PDE4D: variants seen among roughly 807,000 people sequenced by gnomAD.
PDE4D encodes phosphodiesterase 4D.
PDE4D carries 24 observed loss-of-function variants against 87.4 expected under a neutral mutation model. The observed-to-expected ratio is 0.27, with a 90% CI of 0.20 to 0.39. PDE4D has a LOEUF of 0.39. Ranked by LOEUF, PDE4D falls within the 10% of genes least tolerant of loss-of-function variation. PDE4D has a pLI of 1.00. For missense variants in PDE4D, 714 were observed against 1,041.0 expected (o/e 0.69, Z 4.32); for synonymous variants, 384 against 383.2 (o/e 1.00, Z -0.02).
intron 1 of PDE4D, among the ~76,000 whole-genome samples, chr5:59,256,531 G>T (rs1182021536): frequency 6.6e-6 from 1 of 152,012 alleles, no homozygotes; most frequent in Admixed American, 6.6e-5. Flanking sequence ...ATTTGAATTT[G>T]AAAAAGGCAA....
At chr5:60,519,018 T>G (rs1750925016) in intron 1 of PDE4D, among the ~76,000 whole-genome samples, 2 of 152,118 alleles carry the variant, frequency 1.3e-5, no homozygotes, top group Non-Finnish European at 2.9e-5. Context: ...GTCAACCAAC[T>G]GGGTTAAATA....
intron 1 of PDE4D, among the ~76,000 whole-genome samples, chr5:59,520,193 G>A (rs1328189161): frequency 2.0e-5 from 3 of 152,122 alleles, no homozygotes; most frequent in Admixed American, 6.6e-5. Context: ...AACCTGGGAG[G>A]CAGAGGTTAT....
chr5:60,334,542 C>A (rs1757577547), intron 1 of PDE4D, among the ~76,000 whole-genome samples: 1 of 152,082 alleles, frequency 6.6e-6, no homozygotes, highest in African/African-American at 2.4e-5. Flanking sequence ...TCATGCCTAG[C>A]CCTTCTGCCA....
chr5:60,284,555 A>G (rs1426049935), intron 1 of PDE4D, among the ~76,000 whole-genome samples: 1 of 152,202 alleles, frequency 6.6e-6, no homozygotes, highest in Admixed American at 6.5e-5. Flanking sequence ...TTAGGATGAC[A>G]GTGGTGTACT....
At chr5:60,508,338 G>C (rs549881924) in intron 1 of PDE4D, among the ~76,000 whole-genome samples, 1 of 152,260 alleles carries the variant, frequency 6.6e-6, no homozygotes, top group South Asian at 2.1e-4. Context: ...TTCCTTGGGA[G>C]CAAAAACTGT....
intron 5 of PDE4D, among the ~76,000 whole-genome samples, chr5:59,118,595 G>A (rs1332708511): frequency 6.6e-6 from 1 of 152,102 alleles, no homozygotes; most frequent in East Asian, 1.9e-4. Flanking sequence ...AGCAACCATC[G>A]AACATAAATT....
chr5:59,256,095 G>A (rs1249420262), intron 1 of PDE4D, among the ~76,000 whole-genome samples: 2 of 152,052 alleles, frequency 1.3e-5, no homozygotes, highest in Admixed American at 1.3e-4. Flanking sequence ...AGATAGACAA[G>A]AAATCCTTAA....
intron 5 of PDE4D, among the ~76,000 whole-genome samples, chr5:59,088,022 T>C (rs1768021004): frequency 6.6e-6 from 1 of 152,222 alleles, no homozygotes; most frequent in African/African-American, 2.4e-5. Flanking sequence ...TGTCTTAATC[T>C]ACTTTAAAGT....
chr5:59,252,263 G>C (rs1760101240), intron 1 of PDE4D, among the ~76,000 whole-genome samples: 1 of 152,132 alleles, frequency 6.6e-6, no homozygotes, highest in Non-Finnish European at 1.5e-5. Flanking sequence ...TATTTTTAAA[G>C]TTGTATTGTA....
intron 5 of PDE4D, among the ~76,000 whole-genome samples, chr5:59,151,617 T>C (rs1779485929): frequency 6.6e-6 from 1 of 152,172 alleles, no homozygotes; most frequent in Admixed American, 6.5e-5. Context: ...ACTCCCTGTG[T>C]ATGGCAGCAG....
chr5:59,836,961 G>A (rs1330192596), intron 1 of PDE4D, among the ~76,000 whole-genome samples: 1 of 151,738 alleles, frequency 6.6e-6, no homozygotes, highest in African/African-American at 2.4e-5. Flanking sequence ...CCTACATTCT[G>A]TCTCAGAGGT....
intron 2 of PDE4D, among the ~76,000 whole-genome samples, chr5:60,151,013 G>T (rs1444600368): frequency 6.6e-6 from 1 of 152,082 alleles, no homozygotes; most frequent in Non-Finnish European, 1.5e-5. Flanking sequence ...ACAATAAAAA[G>T]TAACTAATCT....
At chr5:59,517,349 T>C (rs1266402549) in intron 1 of PDE4D, among the ~76,000 whole-genome samples, 2 of 152,226 alleles carry the variant, frequency 1.3e-5, no homozygotes, top group African/African-American at 4.8e-5. Context: ...ATAAGAAATG[T>C]AATGTTTACT....
At chr5:60,106,235 C>A (rs1000056091) in intron 2 of PDE4D, among the ~76,000 whole-genome samples, 1 of 151,482 alleles carries the variant, frequency 6.6e-6, no homozygotes, top group African/African-American at 2.4e-5. Context: ...AGACTTTAAA[C>A]CAACAAAGAT....
intron 1 of PDE4D, among the ~76,000 whole-genome samples, chr5:59,566,881 A>G (rs1821021293): frequency 6.6e-6 from 1 of 152,144 alleles, no homozygotes; most frequent in Non-Finnish European, 1.5e-5. Flanking sequence ...GACTAAGAAA[A>G]AAAAAACATG....
At chr5:60,317,149 T>C (rs1755691464) in intron 1 of PDE4D, among the ~76,000 whole-genome samples, 1 of 152,206 alleles carries the variant, frequency 6.6e-6, no homozygotes, top group South Asian at 2.1e-4. Context: ...CTATTAATTA[T>C]TGCCTCAATT....
intron 1 of PDE4D, among the ~76,000 whole-genome samples, chr5:59,483,110 C>G (rs1804548694): frequency 6.6e-6 from 1 of 152,104 alleles, no homozygotes; most frequent in Non-Finnish European, 1.5e-5. Context: ...TTTTTTCCTG[C>G]CTTTGGACAT....
intron 2 of PDE4D, among the ~76,000 whole-genome samples, chr5:60,057,921 C>T (rs1770957552): frequency 6.6e-6 from 1 of 151,782 alleles, no homozygotes; most frequent in African/African-American, 2.4e-5. Flanking sequence ...GTCTATAGTC[C>T]CCTAAAATTG....
At chr5:59,055,617 C>T (rs1762220605) in intron 5 of PDE4D, among the ~76,000 whole-genome samples, 1 of 152,096 alleles carries the variant, frequency 6.6e-6, no homozygotes, top group African/African-American at 2.4e-5. Context: ...TTCTGCCTTT[C>T]ACTGCTGTAC....
Sources: gnomAD v4.1 joint callset for allele counts (sites outside exome capture counted in the v4.1 genomes callset) on GRCh38, gnomAD v4.1.1 for gene constraint, MANE v1.5 for transcripts, NCBI Gene and HGNC (gene_info 2026-07-23, HGNC 2026-07-21) for gene names.